THOC1: variants seen among roughly 807,000 people sequenced by gnomAD.
The protein encoded by THOC1 is THO complex 1.
Under a neutral mutation model 97.3 loss-of-function variants are expected in THOC1, and 29 were observed. The observed-to-expected ratio is 0.30, with a 90% CI of 0.22 to 0.41. The LOEUF is 0.41. THOC1 is among the 10% of genes least tolerant of loss of function. The probability of loss-of-function intolerance (pLI) is 1.00; values close to 1 mark genes in which losing one functional copy is unlikely to be tolerated. For missense variants in THOC1, 529 were observed against 761.9 expected (o/e 0.69, Z 3.60); for synonymous variants, 255 against 257.0 (o/e 0.99, Z 0.07).
intron 7 of THOC1, among the ~76,000 whole-genome samples, chr18:256,356 A>G (rs1004368735): frequency 5.3e-5 from 8 of 152,242 alleles, no homozygotes; most frequent in African/African-American, 1.7e-4. Context: ...TCCAACCCTC[A>G]TAGATGACTT....
intron 4 of THOC1, chr18:260,831 TTA>T (rs1451871426): frequency 6.6e-6 from 1 of 152,222 alleles, no homozygotes; most frequent in Non-Finnish European, 1.5e-5. Context: ...GGAAAAATGC[TTA>T]TGATATAATG....
chr18:236,419 G>C (rs370625348), intron 11 of THOC1, among the ~76,000 whole-genome samples: 8 of 140,954 alleles, frequency 5.7e-5, no homozygotes, highest in Admixed American at 2.3e-4. Flanking sequence ...GCAGTGGCGC[G>C]ATCTCGGCTC....
intron 4 of THOC1, chr18:260,557 C>T (rs1036961271): frequency 3.8e-6 from 1 of 263,324 alleles, no homozygotes; most frequent in Non-Finnish European, 7.1e-6. Flanking sequence ...GTCAGGCACA[C>T]TAAGTACTTT....
At chr18:265,064 ACTT>A in intron 3 of THOC1, 1 of 452,398 alleles carries the variant, frequency 2.2e-6, no homozygotes, top group Non-Finnish European at 3.9e-6. Context: ...CCTCATGTCA[ACTT>A]TTCTTATCTC....
intron 18 of THOC1, 93 bp from the exon 19 acceptor site, chr18:216,726 G>GT: frequency 7.1e-7 from 1 of 1,407,704 alleles, no homozygotes; most frequent in Non-Finnish European, 9.3e-7. Context: ...TGTATTTAAG[G>GT]TAAATAGCTC....
Position 260,208 on chromosome 18 carries a change from T to C in THOC1, c.353A>G (p.Lys118Arg). 1 of 1,565,116 alleles carries C rather than the reference T, an allele frequency of 6.4e-7. No individual in the cohort carries two copies. The highest frequency in any genetic ancestry group is 1.2e-5 in the South Asian group (1 of 81,582). ...QCDTIFTFVE[K>R]NVATWKSNTF... ...TACTGATTTCCAAGTAGCAACATTT[T>C]TTTCCACAAAAGTGAATATTGTGTC... is the stretch of plus-strand genomic sequence containing the variant. Residue 118 changes from lysine (K) to arginine (R), a missense_variant, in exon 5 of 21, where the codon AAA becomes AGA. Physicochemically the swap from Lys to Arg is conservative, Grantham distance 26. Coordinates refer to ENST00000261600, the MANE Select transcript of THOC1 (RefSeq NM_005131.3).
chr18:254,367 A>T lies in THOC1; in HGVS notation c.521-12T>A, dbSNP rs1290819262. The T allele has an allele frequency of 6.5e-7, 1 of 1,538,728 alleles. No individual in the cohort carries two copies. The highest frequency in any genetic ancestry group is 2.4e-5 in the East Asian group (1 of 41,762). On this transcript the variant is annotated splice_polypyrimidine_tract_variant and intron_variant, in intron 7 of 20. Transcript: ENST00000261600. This position sits in a 1 kb window ranked among gnomAD's most constrained non-coding sequence, Gnocchi z 4.1. ...CTGCAAGTTAAGACCTAGTAAAAAA[A>T]CAAAAAAAAGATGCAAAGCAAGTCC...
intron 11 of THOC1, among the ~76,000 whole-genome samples, chr18:235,637 CTTTT>C (rs929099447): frequency 3.9e-5 from 6 of 151,914 alleles, no homozygotes; most frequent in Non-Finnish European, 8.8e-5. Context: ...ATATATTTGC[CTTTT>C]TTTAAGCTAT....
In THOC1 at chr18:225,299, A is replaced by AT. The variant is rs754077755; in HGVS notation, c.1086+37dup. On this transcript the variant is annotated intron_variant, in intron 13 of 20. Transcript: ENST00000261600. ...GAAACAAAGAAAATCCTAAATTTCCATTTTTTCAATCATGGGTTTGTTGCG... is the reference window on the plus strand; with the variant it reads ...GAAACAAAGAAAATCCTAAATTTCCATTTTTTTCAATCATGGGTTTGTTGCG... 35 of 1,607,340 alleles carry AT rather than the reference A, an allele frequency of 2.2e-5. No homozygotes were observed. In the South Asian group the frequency reaches 3.9e-4, roughly 18 times the overall value.
At chr18:252,518 G>A (rs1263669603) in intron 9 of THOC1, 21 bp downstream of exon 9, 2 of 1,587,272 alleles carry the variant, frequency 1.3e-6, no homozygotes, top group African/African-American at 2.7e-5. Flanking sequence ...AAATCAAAAA[G>A]CTTAGGCTCT....
intron 11 of THOC1, among the ~76,000 whole-genome samples, chr18:238,109 G>A (rs1230262590): frequency 6.6e-6 from 1 of 151,982 alleles, no homozygotes; most frequent in Non-Finnish European, 1.5e-5. Context: ...CAAGTGATTT[G>A]CCCACCTTGG....
chr18:225,543 TGA>T (rs1911250527), intron 12 of THOC1, 140 bp from the exon 13 acceptor site: 1 of 679,458 alleles, frequency 1.5e-6, no homozygotes, highest in South Asian at 2.0e-5. Context: ...TAATCACAAA[TGA>T]GAGGATTATA....
intron 20 of THOC1, 120 bp downstream of exon 20, chr18:215,309 A>G (rs547163664): frequency 1.3e-6 from 1 of 761,590 alleles, no homozygotes. Flanking sequence ...ACTATGTCAG[A>G]AACAGTTGAG....
chr18:220,706 A>G lies in THOC1; in HGVS notation c.1371-1737T>C, dbSNP rs149800377. 3.6e-3 allele frequency among the ~76,000 whole-genome samples: 543 copies of G among 152,250 alleles called. 1 individual carries two copies. Among genetic ancestry groups the G allele is most frequent in the African/African-American group, 0.012 (506 of 41,546 alleles). On this transcript the variant is annotated intron_variant, in intron 17 of 20. Transcript: ENST00000261600. ...TTTCTACTTCTGAATCTGACTATTC[A>G]TTTGTACATTTTTCTACTGGGTTGA...
chr18:238,253 A>C (rs1911777750), intron 11 of THOC1, among the ~76,000 whole-genome samples: 1 of 152,258 alleles, frequency 6.6e-6, no homozygotes, highest in African/African-American at 2.4e-5. Context: ...AAGGTCTCTC[A>C]GTGTCCCTGC....
intron 8 of THOC1, among the ~76,000 whole-genome samples, chr18:253,658 ATCTAT>A (rs1430990101): frequency 6.6e-6 from 1 of 152,194 alleles, no homozygotes; most frequent in South Asian, 2.1e-4. Context: ...CAGAAAGTAC[ATCTAT>A]TCTATAATCT....
At chr18:240,042 AAAT>A (rs1370252013) in intron 11 of THOC1, among the ~76,000 whole-genome samples, 10 of 152,232 alleles carry the variant, frequency 6.6e-5, no homozygotes, top group African/African-American at 2.4e-4. Context: ...ACTGTTGTAA[AAAT>A]AATGAGAGTT....
At chr18:245,103 T>A (rs1245473186) in intron 11 of THOC1, 2 of 152,192 alleles carry the variant, frequency 1.3e-5, no homozygotes, top group East Asian at 3.9e-4. Flanking sequence ...ATCTCATCGA[T>A]TATCTTTTTG....
At position 223,416 on chromosome 18, in the gene THOC1, T is replaced by G. The variant is rs1196375401; in HGVS notation, c.1370+24A>C. ...CTCAACACTTGACAAAAGCAACACT[T>G]CATTTGAAAAATGTTCAACTTGCCT... is the stretch of plus-strand genomic sequence containing the variant. On this transcript the variant is annotated intron_variant, in intron 17 of 20. Transcript: ENST00000261600. 2.6e-6 allele frequency: 4 copies of G among 1,541,292 alleles called. No homozygotes were observed. The South Asian group carries it at 4.8e-5, about 18-fold the overall frequency.
Sources: gnomAD v4.1 joint callset for allele counts (sites outside exome capture counted in the v4.1 genomes callset) on GRCh38, gnomAD v4.1.1 for gene constraint, Gnocchi (gnomAD v3.1) non-coding constraint, MANE v1.5 for transcripts, NCBI Gene and HGNC (gene_info 2026-07-23, HGNC 2026-07-21) for gene names.